EGLN3: variants seen among roughly 807,000 people sequenced by gnomAD.
EGLN3 encodes egl-9 family hypoxia inducible factor 3, also known as prolyl hydroxylase EGLN3.
In EGLN3, 15 loss-of-function variants were observed where a neutral mutation model predicts 26.0. The ratio of observed to expected loss-of-function variants is 0.58; its 90% confidence interval spans 0.39 to 0.89. EGLN3 has a LOEUF of 0.89. EGLN3 is among the 40% of genes least tolerant of loss of function. The probability of loss-of-function intolerance (pLI) is 0.00; values close to 1 mark genes in which losing one functional copy is unlikely to be tolerated. For synonymous variants in EGLN3, 147 were observed against 127.2 expected, an observed-to-expected ratio of 1.16 and a Z score of -1.05; for missense variants, 238 against 311.6, an observed-to-expected ratio of 0.76 and a Z score of 1.78.
Position 33,950,851 on chromosome 14 carries a change from G to A in EGLN3, c.-99C>T, listed in dbSNP as rs1002788042. 1 of 1,136,076 alleles carries A rather than the reference G, an allele frequency of 8.8e-7. No homozygotes were observed. 70.4% of individuals were successfully genotyped at this position (1,136,076 alleles called of 1,614,324 possible). A position where few individuals can be genotyped will look rare whatever the true frequency, so the allele number is the denominator to read the frequency against. ...CGAGGCGCGGGGAGCGTGGCCCGGG[G>A]TTCAGAAACCTGCGGCTGCCACGGT... On this transcript the variant is annotated 5_prime_UTR_variant, in exon 1 of 5. Coordinates refer to ENST00000250457, the MANE Select transcript of EGLN3 (RefSeq NM_022073.4).
intron 1 of EGLN3, among the ~76,000 whole-genome samples, chr14:33,945,682 G>C (rs943315956): frequency 6.6e-6 from 1 of 152,218 alleles, no homozygotes; most frequent in African/African-American, 2.4e-5. Context: ...TGGATGTTAA[G>C]GACTTTCTGC....
intron 1 of EGLN3, among the ~76,000 whole-genome samples, chr14:33,934,096 T>G (rs2064423333): frequency 1.3e-5 from 2 of 152,232 alleles, no homozygotes; most frequent in Admixed American, 1.3e-4. Flanking sequence ...CCTATAGTTC[T>G]ATTCTTGGAT....
chr14:33,935,075 C>T (rs1291931314), intron 1 of EGLN3, among the ~76,000 whole-genome samples: 2 of 152,146 alleles, frequency 1.3e-5, no homozygotes, highest in Non-Finnish European at 2.9e-5. Context: ...TTGAGCAAAG[C>T]GTACTTTGAA....
At position 33,929,191 on chromosome 14, in the gene EGLN3, T is replaced by G. The variant is rs764820278; in HGVS notation, c.499A>C (p.Ile167Leu). The change falls in exon 3 of 5, where the codon ATA becomes CTA. Residue 167 changes from isoleucine to leucine, a missense_variant. Transcript: ENST00000250457. Reference protein sequence around the residue: ...DAKLHGGILRIFPEGKSFIAD... With the variant: ...DAKLHGGILRLFPEGKSFIAD... The stretch of plus-strand genomic sequence containing the variant: ...ATGAATGATTTCCCCTCTGGAAATA[T>G]CCGCAGGATCCCACCATGTAGCTGA... 6.2e-7 allele frequency: 1 copy of G among 1,614,188 alleles called. No homozygotes were observed. The highest frequency in any genetic ancestry group is 1.1e-5 in the South Asian group (1 of 91,082).
Position 33,927,052 on chromosome 14 carries a change from T to C in EGLN3, c.615-19A>G, listed in dbSNP as rs2064366875. ...AGCATATCTGTGAAAGATAAGCAGA[T>C]ATAAGGAAAGAGATTTAATGGTACT... On this transcript the variant is annotated intron_variant, in intron 3 of 4. Transcript: ENST00000250457. The C allele has an allele frequency of 1.9e-6, 3 of 1,560,420 alleles. No homozygotes were observed. In the African/African-American group the frequency reaches 4.1e-5, roughly 21 times the overall value.
chr14:33,949,285 GA>G (rs2064539377), intron 1 of EGLN3: 1 of 152,194 alleles, frequency 6.6e-6, no homozygotes, highest in Admixed American at 6.5e-5. Flanking sequence ...GCGTATTAGA[GA>G]AATGAGAGAA....
In EGLN3 at chr14:33,945,951, A is replaced by G. The variant is rs571563794; in HGVS notation, c.357+4445T>C. On this transcript the variant is annotated intron_variant, in intron 1 of 4. Transcript: ENST00000250457. ...TTCATAAATGTTTTGCTGTTTCATC[A>G]TTCCTCCTTATTGTTTCCAGGGGAG... Among the ~76,000 whole-genome samples the G allele has an allele frequency of 3.3e-5, 5 of 152,336 alleles. No homozygotes were observed. The South Asian group carries it at 8.3e-4, about 25-fold the overall frequency.
chr14:33,932,780 A>G lies in EGLN3; in HGVS notation c.358-1565T>C, dbSNP rs115099781. Among the ~76,000 whole-genome samples, 949 of 152,338 alleles carry G rather than the reference A, an allele frequency of 6.2e-3. 7 individuals are homozygous for G. Among genetic ancestry groups the G allele is most frequent in the African/African-American group, 0.022 (900 of 41,572 alleles). On this transcript the variant is annotated intron_variant, in intron 1 of 4. Coordinates refer to ENST00000250457, the MANE Select transcript of EGLN3 (RefSeq NM_022073.4). Reference sequence around the variant, plus strand: ...AGGCGACGTCAGCAATGAAGATTTAACAAATGATGGTACCACTAAGCAAAG... The same window carrying G: ...AGGCGACGTCAGCAATGAAGATTTAGCAAATGATGGTACCACTAAGCAAAG...
At chr14:33,928,393 G>T (rs2064377420) in intron 3 of EGLN3, among the ~76,000 whole-genome samples, 1 of 152,168 alleles carries the variant, frequency 6.6e-6, no homozygotes, top group East Asian at 1.9e-4. Context: ...ATGCTGCCCG[G>T]CTTATTGCTT....
At chr14:33,947,543 A>G (rs2064526442) in intron 1 of EGLN3, among the ~76,000 whole-genome samples, 1 of 152,230 alleles carries the variant, frequency 6.6e-6, no homozygotes, top group Non-Finnish European at 1.5e-5. Flanking sequence ...AATATTATTC[A>G]ATGATCTTTC....
chr14:33,939,515 A>AAAC (rs2064468056), intron 1 of EGLN3, among the ~76,000 whole-genome samples: 1 of 151,758 alleles, frequency 6.6e-6, no homozygotes. Context: ...CGGCCGAAAC[A>AAAC]ATCTTAAAAC....
chr14:33,931,318 T>C, intron 1 of EGLN3, 103 bp from the exon 2 acceptor site: 2 of 1,541,404 alleles, frequency 1.3e-6, no homozygotes, highest in Non-Finnish European at 1.8e-6. Context: ...GGGTGTTACG[T>C]GACATTTACA....
At chr14:33,944,294 G>T (rs897996601) in intron 1 of EGLN3, among the ~76,000 whole-genome samples, 3 of 152,004 alleles carry the variant, frequency 2.0e-5, no homozygotes, top group Non-Finnish European at 4.4e-5. Context: ...GCTAGACTTT[G>T]TATTTTTAGT....
chr14:33,946,890 C>G (rs548047755), intron 1 of EGLN3, among the ~76,000 whole-genome samples: 1 of 152,320 alleles, frequency 6.6e-6, no homozygotes, highest in Admixed American at 6.5e-5. Flanking sequence ...GCCTGAGCTC[C>G]CAGCCCCCAT....
At chr14:33,950,373 G>A in intron 1 of EGLN3, 23 bp downstream of exon 1, 1 of 1,609,308 alleles carries the variant, frequency 6.2e-7, no homozygotes, top group Non-Finnish European at 8.5e-7. Context: ...AGCAGCTGCG[G>A]CAGGGCGCCG....
At chr14:33,927,775 C>T (rs1170087140) in intron 3 of EGLN3, among the ~76,000 whole-genome samples, 2 of 152,250 alleles carry the variant, frequency 1.3e-5, no homozygotes, top group African/African-American at 2.4e-5. Context: ...CTTTGAAAAA[C>T]GACTTATGTA....
intron 3 of EGLN3, among the ~76,000 whole-genome samples, chr14:33,928,681 G>A (rs1463386175): frequency 6.6e-6 from 1 of 152,160 alleles, no homozygotes; most frequent in East Asian, 1.9e-4. Context: ...TTAGCAGCTT[G>A]TAAACTCATC....
At chr14:33,935,968 C>A (rs968089334) in intron 1 of EGLN3, among the ~76,000 whole-genome samples, 14 of 152,114 alleles carry the variant, frequency 9.2e-5, no homozygotes, top group Non-Finnish European at 1.8e-4. Flanking sequence ...CGCGGTGGCT[C>A]ACGCCTGTAA....
At chr14:33,931,799 C>A (rs1037917727) in intron 1 of EGLN3, among the ~76,000 whole-genome samples, 1 of 152,228 alleles carries the variant, frequency 6.6e-6, no homozygotes, top group African/African-American at 2.4e-5. Flanking sequence ...CTTGTTAACA[C>A]AGACAACACA....
Sources: allele counts gnomAD v4.1 joint callset (sites outside exome capture counted in the v4.1 genomes callset), GRCh38; gene constraint gnomAD v4.1.1; transcripts MANE v1.5; gene names NCBI Gene and HGNC (gene_info 2026-07-23, HGNC 2026-07-21).